VDR: variants seen among roughly 807,000 people sequenced by gnomAD.
The protein encoded by VDR is vitamin D receptor, also known as vitamin D3 receptor.
In VDR, 19 loss-of-function variants were observed where a neutral mutation model predicts 39.7. The ratio of observed to expected loss-of-function variants is 0.48; its 90% CI spans 0.33 to 0.70. VDR has a LOEUF of 0.70. Among genes scored for constraint, VDR ranks in the 30% least tolerant of loss-of-function variants. The pLI, the probability that VDR is intolerant of heterozygous loss-of-function variation, is 0.02. For synonymous variants in VDR, 242 were observed against 215.8 expected (o/e 1.12, Z -1.07); for missense variants, 442 against 570.5 (o/e 0.77, Z 2.29).
intron 1 of VDR, among the ~76,000 whole-genome samples, chr12:47,891,222 C>G (rs565878026): frequency 1.2e-4 from 18 of 152,314 alleles, no homozygotes; most frequent in African/African-American, 4.3e-4. Context: ...CCCCCAGAGC[C>G]CATTCCTGTC....
intron 1 of VDR, chr12:47,898,670 A>G (rs1179524278): frequency 1.9e-5 from 3 of 155,044 alleles, no homozygotes; most frequent in Admixed American, 6.5e-5. Context: ...TTTCCAATGG[A>G]ATTCTACACA....
At chr12:47,886,810 C>T (rs1237765382) in intron 1 of VDR, among the ~76,000 whole-genome samples, 1 of 152,158 alleles carries the variant, frequency 6.6e-6, no homozygotes, top group Non-Finnish European at 1.5e-5. Context: ...AGTGGAGAAC[C>T]ACCTCCCACG....
intron 3 of VDR, among the ~76,000 whole-genome samples, chr12:47,866,712 G>A (rs1306660917): frequency 6.6e-6 from 1 of 152,208 alleles, no homozygotes; most frequent in East Asian, 1.9e-4. Flanking sequence ...AACTAGAGCT[G>A]GGCACAGTGG....
At chr12:47,888,771 G>T (rs1034951205) in intron 1 of VDR, among the ~76,000 whole-genome samples, 5 of 152,152 alleles carry the variant, frequency 3.3e-5, no homozygotes, top group Non-Finnish European at 5.9e-5. Context: ...GGGAGGGGAA[G>T]ATGGGGAGAG....
intron 7 of VDR, among the ~76,000 whole-genome samples, chr12:47,848,519 C>T (rs1329753023): frequency 6.7e-6 from 1 of 150,066 alleles, no homozygotes; most frequent in Non-Finnish European, 1.5e-5. Flanking sequence ...TGCCCGTCTC[C>T]TCCAGTTCTG....
chr12:47,864,978 GGA>G, intron 4 of VDR, 67 bp downstream of exon 4: 3 of 1,604,598 alleles, frequency 1.9e-6, no homozygotes, highest in Non-Finnish European at 2.6e-6. Context: ...CAAACTTGCA[GGA>G]GAGTGGCCAA....
intron 3 of VDR, among the ~76,000 whole-genome samples, chr12:47,876,148 G>A (rs1945996812): frequency 6.6e-6 from 1 of 152,158 alleles, no homozygotes; most frequent in Non-Finnish European, 1.5e-5. Context: ...GGGGCTGCAA[G>A]TATTGATTTT....
At chr12:47,854,615 G>A (rs1945447060) in intron 7 of VDR, among the ~76,000 whole-genome samples, 1 of 152,216 alleles carries the variant, frequency 6.6e-6, no homozygotes, top group African/African-American at 2.4e-5. Context: ...GAGATAATAT[G>A]AGGATTCCAG....
chr12:47,856,637 A>AG (rs1259428617), intron 6 of VDR, among the ~76,000 whole-genome samples: 4 of 151,220 alleles, frequency 2.6e-5, no homozygotes, highest in Admixed American at 6.6e-5. Flanking sequence ...AAAAAAAAAA[A>AG]AAGAAAGGAA....
intron 1 of VDR, among the ~76,000 whole-genome samples, chr12:47,895,401 G>A (rs1021235162): frequency 2.0e-5 from 3 of 152,214 alleles, no homozygotes; most frequent in Non-Finnish European, 4.4e-5. Context: ...GTATGGGAGG[G>A]AGAGAAGGAG....
chr12:47,878,913 A>T (rs774942833), intron 3 of VDR, 55 bp downstream of exon 3: 5 of 1,613,530 alleles, frequency 3.1e-6, no homozygotes, highest in Non-Finnish European at 4.2e-6. Flanking sequence ...TCATGGAAAC[A>T]CCTTGCTTCT....
chr12:47,883,076 TCTC>T (rs1946190625), intron 1 of VDR: 1 of 352,144 alleles, frequency 2.8e-6, no homozygotes, highest in Non-Finnish European at 5.2e-6. Context: ...AGGCACTCCT[TCTC>T]CTCTCACAGC....
intron 7 of VDR, among the ~76,000 whole-genome samples, chr12:47,853,581 C>T (rs1190636723): frequency 6.6e-6 from 1 of 151,972 alleles, no homozygotes; most frequent in Non-Finnish European, 1.5e-5. Context: ...GGTGAAACCC[C>T]AACTCTACTA....
At position 47,844,363 on chromosome 12, in the gene VDR, T is replaced by G. The variant is rs1039808670; in HGVS notation, c.*383A>C. 3 of 355,640 alleles carry G rather than the reference T, an allele frequency of 8.4e-6. No individual in the cohort carries two copies. The highest frequency in any genetic ancestry group is 1.1e-5 in the Non-Finnish European group (2 of 188,788). 22.0% of individuals were successfully genotyped at this position (355,640 alleles called of 1,614,324 possible). ...AAGCGGGGCCTGCAGTGGGGGGAGG[T>G]GCAGGTGTCTCTGTCCCTGAGGAAT... On this transcript the variant is annotated 3_prime_UTR_variant, in exon 10 of 10. Coordinates refer to ENST00000549336, the MANE Select transcript of VDR (RefSeq NM_000376.3).
chr12:47,882,747 C>T lies in VDR; in HGVS notation c.-56G>A. 1 of 1,531,918 alleles carries T rather than the reference C, an allele frequency of 6.5e-7. No homozygotes were observed. The highest frequency in any genetic ancestry group is 8.7e-7 in the Non-Finnish European group (1 of 1,145,032). 94.9% of individuals were successfully genotyped at this position (1,531,918 alleles called of 1,614,324 possible). On this transcript the variant is annotated 5_prime_UTR_variant, in exon 2 of 10. Transcript: ENST00000549336. Reference sequence around the variant, plus strand: ...GCCCAGGGGTGCTCTTCTGTGAGGTCTCACAGACACTTCAGACCCAAAGGC... The same window carrying T: ...GCCCAGGGGTGCTCTTCTGTGAGGTTTCACAGACACTTCAGACCCAAAGGC...
chr12:47,887,265 T>C (rs959531713), intron 1 of VDR, among the ~76,000 whole-genome samples: 6 of 128,452 alleles, frequency 4.7e-5, no homozygotes, highest in Non-Finnish European at 7.7e-5. Context: ...GAGGTTGCAG[T>C]GAGCAGAGAT....
At chr12:47,885,035 A>G (rs1946226955) in intron 1 of VDR, among the ~76,000 whole-genome samples, 1 of 152,066 alleles carries the variant, frequency 6.6e-6, no homozygotes, top group Non-Finnish European at 1.5e-5. Context: ...AGGTGGAAAA[A>G]CTGCTTAATA....
intron 2 of VDR, among the ~76,000 whole-genome samples, chr12:47,881,002 G>A (rs977905511): frequency 6.7e-6 from 1 of 150,300 alleles, no homozygotes; most frequent in African/African-American, 2.4e-5. Context: ...CTTTCAGAAA[G>A]AGAACAAAGA....
chr12:47,889,455 C>T (rs1276874920), intron 1 of VDR, among the ~76,000 whole-genome samples: 1 of 152,156 alleles, frequency 6.6e-6, no homozygotes, highest in Admixed American at 6.5e-5. Flanking sequence ...TTGCTAGGAT[C>T]ACCCACATGC....
Sources: gnomAD v4.1 joint callset for allele counts (sites outside exome capture counted in the v4.1 genomes callset) on GRCh38, gnomAD v4.1.1 for gene constraint, MANE v1.5 for transcripts, NCBI Gene and HGNC (gene_info 2026-07-23, HGNC 2026-07-21) for gene names.